Variants in AIPL1 observed in about 807,000 individuals in gnomAD.
The protein encoded by AIPL1 is aryl-hydrocarbon-interacting protein-like 1.
AIPL1 carries 23 observed loss-of-function variants against 32.9 expected under a neutral mutation model. That is an observed-to-expected ratio of 0.70 (90% CI 0.50 to 0.99). AIPL1 has a LOEUF of 0.99. Among genes scored for constraint, AIPL1 ranks in the 50% least tolerant of loss-of-function variants. AIPL1 has a pLI of 0.00. For synonymous variants in AIPL1, 210 were observed against 209.4 expected (o/e 1.00, Z -0.02); for missense variants, 485 against 506.0 (o/e 0.96, Z 0.40).
At chr17:6,428,236 A>T in intron 3 of AIPL1, 82 bp downstream of exon 3, 3 of 1,484,876 alleles carry the variant, frequency 2.0e-6, no homozygotes, top group Middle Eastern at 3.5e-4. Flanking sequence ...TCCAGTGGCC[A>T]GTGGGGTGGG....
At position 6,428,460 on chromosome 17, in the gene AIPL1, G is replaced by C. The variant is rs149124329; in HGVS notation, c.323C>G (p.Ala108Gly). The change falls in exon 3 of 6, where the codon GCC becomes GGC. Residue 108 changes from alanine (A) to glycine (G), a missense_variant. Transcript: ENST00000381129. ...PILSRSLRQM[A>G]QGKDPTEWHV... ...CCACTCTGTGGGGTCCTTGCCCTGG[G>C]CCATCTGCCTCAGGCTCCGGGATAG... is the stretch of plus-strand genomic sequence containing the variant. 6.2e-7 allele frequency: 1 copy of C among 1,613,976 alleles called. No individual in the cohort carries two copies. Among genetic ancestry groups the C allele is most frequent in the Non-Finnish European group, 8.5e-7 (1 of 1,180,034 alleles).
At chr17:6,426,112 C>T (rs778641418) in intron 5 of AIPL1, 259 of 1,320,270 alleles carry the variant, frequency 2.0e-4, no homozygotes, top group Non-Finnish European at 2.4e-4. Context: ...CCTTCAGGCC[C>T]TTTCCCTGCA....
chr17:6,427,299 A>C (rs549055494), intron 3 of AIPL1, among the ~76,000 whole-genome samples: 1 of 152,348 alleles, frequency 6.6e-6, no homozygotes, highest in South Asian at 2.1e-4. Context: ...GAAAATTGTC[A>C]CGAATACTCG....
intron 4 of AIPL1, 26 bp downstream of exon 4, chr17:6,426,854 TC>T: frequency 6.2e-7 from 1 of 1,613,640 alleles, no homozygotes; most frequent in South Asian, 1.1e-5. Flanking sequence ...CAGCGCCACT[TC>T]CCACCCCTGG....
At position 6,425,568 on chromosome 17, in the gene AIPL1, C is replaced by T. The variant is rs777042856; in HGVS notation, c.1047G>A (p.Glu349=). Residue 349 remains glutamate (E), a synonymous_variant, in exon 6 of 6, where the codon GAG becomes GAA. Coordinates refer to ENST00000381129, the MANE Select transcript of AIPL1 (RefSeq NM_014336.5). Reference sequence around the variant, plus strand: ...GTGCTGTGGGTGGCTCTGCAGGTGGCTCTGTGGATGACTGTGCGGGTGGCT... The same window carrying T: ...GTGCTGTGGGTGGCTCTGCAGGTGGTTCTGTGGATGACTGTGCGGGTGGCT... The part of the protein sequence containing the change: ...PTEPPAQSST[E]PPAEPPTAPS... 3.4e-4 allele frequency: 544 copies of T among 1,613,162 alleles called. No individual in the cohort carries two copies. The highest frequency in any genetic ancestry group is 4.4e-4 in the Non-Finnish European group (518 of 1,179,768).
At chr17:6,431,741 G>C (rs1217448347) in intron 2 of AIPL1, among the ~76,000 whole-genome samples, 1 of 152,172 alleles carries the variant, frequency 6.6e-6, no homozygotes, top group East Asian at 1.9e-4. Context: ...GCCACCAATG[G>C]TGAAAGTCTA....
rs886053266 is a variant in AIPL1, at chr17:6,425,310, T to G, written c.*150A>C. On this transcript the variant is annotated 3_prime_UTR_variant, in exon 6 of 6. Coordinates refer to ENST00000381129, the MANE Select transcript of AIPL1 (RefSeq NM_014336.5). Reference sequence around the variant, plus strand: ...GCTCTTCTGTACCCTTGGGATTGTTTTTTTTTTTTTTTTTACCATGGGTGT... The same window carrying G: ...GCTCTTCTGTACCCTTGGGATTGTTGTTTTTTTTTTTTTTACCATGGGTGT... 119 of 255,462 alleles carry G rather than the reference T, an allele frequency of 4.7e-4. No homozygotes were observed. In the Middle Eastern group the frequency reaches 0.025, roughly 54 times the overall value. The allele number at this position is 255,462 out of a possible 1,614,324, so 15.8% of individuals were successfully genotyped here. A position where few individuals can be genotyped will look rare whatever the true frequency, so the allele number is the denominator to read the frequency against.
At chr17:6,430,381 G>A (rs914927253) in intron 2 of AIPL1, among the ~76,000 whole-genome samples, 2 of 149,844 alleles carry the variant, frequency 1.3e-5, no homozygotes, top group African/African-American at 2.5e-5. Context: ...GCTTGAACCC[G>A]GGAGGCAGAG....
intron 5 of AIPL1, 156 bp downstream of exon 5, chr17:6,426,459 A>G (rs1356273898): frequency 1.4e-5 from 21 of 1,491,324 alleles, no homozygotes; most frequent in Non-Finnish European, 1.9e-5. Context: ...TCCATCACCC[A>G]CAATTCAGTT....
chr17:6,428,291 C>G (rs1366700236), intron 3 of AIPL1, 27 bp downstream of exon 3: 8 of 1,603,030 alleles, frequency 5.0e-6, no homozygotes, highest in Non-Finnish European at 6.8e-6. Flanking sequence ...TGGCACAGCC[C>G]TCCAGCCCTG....
rs150097891 is a variant in AIPL1, at chr17:6,433,918, C to T, written c.276+1G>A. Reference sequence around the variant, plus strand: ...GAGACAGGCGCGCAGGGCCTACTTACGATGGTGTCGCACCAGAACTCGGCC... The same window carrying T: ...GAGACAGGCGCGCAGGGCCTACTTATGATGGTGTCGCACCAGAACTCGGCC... On this transcript the variant is annotated splice_donor_variant, in intron 2 of 5. Coordinates refer to ENST00000381129, the MANE Select transcript of AIPL1 (RefSeq NM_014336.5). LOFTEE classifies it high-confidence loss of function. 7 of 1,613,424 alleles carry T rather than the reference C, an allele frequency of 4.3e-6. No individual in the cohort carries two copies. Among genetic ancestry groups the T allele is most frequent in the South Asian group, 1.1e-5 (1 of 90,974 alleles).
rs746116735 is a variant in AIPL1 at position 6,425,705 on chromosome 17, C to A, written c.910G>T (p.Glu304Ter). The change falls in exon 6 of 6, where the codon GAG becomes TAG. Residue 304 changes from glutamate (E) to a stop codon, truncating the protein, a stop_gained. Transcript: ENST00000381129. LOFTEE classifies it low-confidence loss of function (END_TRUNC). ...ATGCGGTTCTCCAGCAGCCTCAGCTCCCTGCGCACCGCCTTCTGCATGGAC... is the reference window on the plus strand; with the variant it reads ...ATGCGGTTCTCCAGCAGCCTCAGCTACCTGCGCACCGCCTTCTGCATGGAC... ...EPSMQKAVRRELRLLENRMAE... is the reference protein window; with the variant it reads ...EPSMQKAVRR 1.9e-6 allele frequency: 3 copies of A among 1,608,350 alleles called. No homozygotes were observed. The highest frequency in any genetic ancestry group is 2.5e-6 in the Non-Finnish European group (3 of 1,180,004).
intron 2 of AIPL1, among the ~76,000 whole-genome samples, chr17:6,429,270 A>G (rs936733957): frequency 2.0e-5 from 3 of 152,112 alleles, no homozygotes; most frequent in African/African-American, 7.2e-5. Context: ...CTGAGAACCC[A>G]TCTCCTTGGA....
intron 2 of AIPL1, among the ~76,000 whole-genome samples, chr17:6,430,968 A>G (rs1912549760): frequency 6.6e-6 from 1 of 151,280 alleles, no homozygotes; most frequent in African/African-American, 2.5e-5. Context: ...GAGTGGGATC[A>G]CCTACTGGCA....
chr17:6,425,404 C>T lies in AIPL1; in HGVS notation c.*56G>A, dbSNP rs545558458. Reference sequence around the variant, plus strand: ...GACACCACGATCCTGGTCAATCGAACCAGAAGTGACCAGGCCACTTGCTCC... The same window carrying T: ...GACACCACGATCCTGGTCAATCGAATCAGAAGTGACCAGGCCACTTGCTCC... On this transcript the variant is annotated 3_prime_UTR_variant, in exon 6 of 6. Transcript: ENST00000381129. 30 of 1,528,638 alleles carry T rather than the reference C, an allele frequency of 2.0e-5. No homozygotes were observed. The African/African-American group carries it at 3.7e-4, about 19-fold the overall frequency. 94.7% of individuals were successfully genotyped at this position (1,528,638 alleles called of 1,614,324 possible). A position where few individuals can be genotyped will look rare whatever the true frequency, so the allele number is the denominator to read the frequency against.
At chr17:6,431,121 T>G (rs977645221) in intron 2 of AIPL1, among the ~76,000 whole-genome samples, 2 of 152,190 alleles carry the variant, frequency 1.3e-5, no homozygotes, top group African/African-American at 4.8e-5. Flanking sequence ...AGTCTTAAGT[T>G]TCCCATCAGT....
chr17:6,426,275 C>T (rs1420642308), intron 5 of AIPL1: 1 of 1,317,394 alleles, frequency 7.6e-7, no homozygotes, highest in African/African-American at 1.5e-5. Flanking sequence ...GGTGCCATAT[C>T]CTCGCAACAC....
intron 2 of AIPL1, among the ~76,000 whole-genome samples, chr17:6,429,836 A>C (rs973073837): frequency 6.8e-6 from 1 of 147,142 alleles, no homozygotes; most frequent in African/African-American, 2.6e-5. Flanking sequence ...AGATAGATAG[A>C]TAGATAGATA....
rs71381392 is a variant in AIPL1, at chr17:6,434,356, C to CTTTTTT, written c.97-264_97-259dup. 4.2e-3 allele frequency among the ~76,000 whole-genome samples: 445 copies of CTTTTTT among 104,992 alleles called. 27 individuals are homozygous for CTTTTTT. Among genetic ancestry groups the CTTTTTT allele is most frequent in the African/African-American group, 0.016 (425 of 26,638 alleles). The allele number at this position is 104,992 out of a possible 152,430, so 68.9% of individuals were successfully genotyped here. ...ATCCTTCCTCAAGTAAGCCCGAGTTCTTTTTTTTTTTTTTTTTTCTGAGAC... is the reference window on the plus strand; with the variant it reads ...ATCCTTCCTCAAGTAAGCCCGAGTTCTTTTTTTTTTTTTTTTTTTTTTTTCTGAGAC... On this transcript the variant is annotated intron_variant, in intron 1 of 5. Transcript: ENST00000381129.
Sources: gnomAD v4.1 joint callset for allele counts (sites outside exome capture counted in the v4.1 genomes callset) on GRCh38, gnomAD v4.1.1 for gene constraint, MANE v1.5 for transcripts, NCBI Gene and HGNC (gene_info 2026-07-23, HGNC 2026-07-21) for gene names.